The following PTPRN2 variants were observed in gnomAD, a reference collection of about 807,000 sequenced individuals.
PTPRN2 encodes the protein protein tyrosine phosphatase receptor type N2.
In PTPRN2, 74 loss-of-function variants were observed where a neutral mutation model predicts 118.8. The observed-to-expected ratio is 0.62, with a 90% CI of 0.52 to 0.76. The LOEUF is 0.76. PTPRN2 is among the 30% of genes least tolerant of loss of function. PTPRN2 has a pLI of 0.00. For synonymous variants in PTPRN2, 641 were observed against 608.0 expected (o/e 1.05, Z -0.80); for missense variants, 1,481 against 1,394.4 (o/e 1.06, Z -0.99).
chr7:158,473,807 AG>A (rs1820045080), intron 2 of PTPRN2, among the ~76,000 whole-genome samples: 1 of 151,728 alleles, frequency 6.6e-6, no homozygotes, highest in Non-Finnish European at 1.5e-5. Context: ...TTTTAAAAAA[AG>A]GTTGGCTATA....
chr7:158,130,680 TAC>T (rs1365833935), intron 9 of PTPRN2, among the ~76,000 whole-genome samples: 8 of 134,748 alleles, frequency 5.9e-5, no homozygotes, highest in South Asian at 2.5e-4. Flanking sequence ...CACACGTACA[TAC>T]AGACACACAC....
chr7:158,368,885 C>CT (rs374818948), intron 2 of PTPRN2, among the ~76,000 whole-genome samples: 23 of 152,318 alleles, frequency 1.5e-4, no homozygotes, highest in African/African-American at 4.8e-4. Flanking sequence ...ATGGTTAACA[C>CT]TGAGTGTCAA....
At chr7:157,706,745 G>T (rs1326521492) in intron 12 of PTPRN2, among the ~76,000 whole-genome samples, 1 of 151,268 alleles carries the variant, frequency 6.6e-6, no homozygotes, top group African/African-American at 2.4e-5. Flanking sequence ...TGACCCAGGT[G>T]CCTTCTGGAT....
chr7:157,597,636 G>A (rs971349736), intron 16 of PTPRN2, among the ~76,000 whole-genome samples: 4 of 152,228 alleles, frequency 2.6e-5, no homozygotes, highest in African/African-American at 9.6e-5. Flanking sequence ...TAAGGTGACT[G>A]TTGATTTAGG....
At position 157,560,139 on chromosome 7, in the gene PTPRN2, G is replaced by A. The variant is rs544218371; in HGVS notation, c.2902+8763C>T. Among the ~76,000 whole-genome samples the A allele has an allele frequency of 6.6e-6, 1 of 152,274 alleles. No individual in the cohort carries two copies. ...ATGAGGAGAAGCGGAGGACAGCCCA[G>A]GTGAGGACATCAGACCCAGGAGTGG... On this transcript the variant is annotated intron_variant, in intron 21 of 22. Coordinates refer to ENST00000389418, the MANE Select transcript of PTPRN2 (RefSeq NM_002847.5). The surrounding 1 kb of genome is among the most constrained non-coding windows in gnomAD (Gnocchi z 6.7).
intron 3 of PTPRN2, among the ~76,000 whole-genome samples, chr7:158,286,945 T>C (rs998282026): frequency 1.3e-5 from 2 of 152,214 alleles, no homozygotes; most frequent in Non-Finnish European, 2.9e-5. Context: ...TCTTTAAATG[T>C]TAGGTAAGAT....
chr7:158,133,981 C>T lies in PTPRN2; in HGVS notation c.1252G>A (p.Ala418Thr). 6.2e-7 allele frequency: 1 copy of T among 1,614,034 alleles called. No individual in the cohort carries two copies. Among genetic ancestry groups the T allele is most frequent in the Non-Finnish European group, 8.5e-7 (1 of 1,180,050 alleles). ...TTCCTCTCCATGTCGAGGGGCCTTG[C>T]AAAGGGGAGGGCTCCAGGTAAGAGT... is the stretch of plus-strand genomic sequence containing the variant. ...SRLLPGALPF[A>T]RPLDMERKKS... Residue 418 changes from alanine (A) to threonine (T), a missense_variant, in exon 9 of 23, where the codon GCA becomes ACA. Physicochemically the swap from Ala to Thr is moderately conservative, Grantham distance 58 (BLOSUM62 0). Around this residue, in one of 3 missense-constraint regions of PTPRN2, gnomAD observed 1,115 missense variants for 994.2 expected, o/e 1.12. Coordinates refer to ENST00000389418, the MANE Select transcript of PTPRN2 (RefSeq NM_002847.5).
At chr7:158,166,866 G>T (rs1823057430) in intron 6 of PTPRN2, 65 bp downstream of exon 6, 24 of 1,400,142 alleles carry the variant, frequency 1.7e-5, no homozygotes, top group Non-Finnish European at 2.1e-5. Context: ...TGGTGCGTCT[G>T]TCACTGGGAG....
chr7:158,092,215 T>C (rs1442801666), intron 10 of PTPRN2, among the ~76,000 whole-genome samples: 1 of 151,176 alleles, frequency 6.6e-6, no homozygotes, highest in African/African-American at 2.4e-5. Flanking sequence ...CATATATATA[T>C]ATACACACAT....
rs1804127188 is a variant in PTPRN2 at position 157,787,355 on chromosome 7, A to G, written c.1789-104418T>C. On this transcript the variant is annotated intron_variant, in intron 12 of 22. Coordinates refer to ENST00000389418, the MANE Select transcript of PTPRN2 (RefSeq NM_002847.5). This position sits in a 1 kb window ranked among gnomAD's most constrained non-coding sequence, Gnocchi z 5.3. ...CCACCTTGATGGAAACTGCGACAGG[A>G]GGGGGTCTGGCCTCTGCTGGGAGTG... 6.6e-6 allele frequency among the ~76,000 whole-genome samples: 1 copy of G among 152,056 alleles called. No homozygotes were observed. The highest frequency in any genetic ancestry group is 2.1e-4 in the South Asian group (1 of 4,828).
chr7:158,273,931 G>A (rs1463296955), intron 3 of PTPRN2, among the ~76,000 whole-genome samples: 6 of 139,596 alleles, frequency 4.3e-5, no homozygotes, highest in Non-Finnish European at 9.2e-5. Flanking sequence ...CAGACACAGG[G>A]GGAGCCGCAG....
chr7:158,143,500 A>G (rs1370804341), intron 6 of PTPRN2, among the ~76,000 whole-genome samples: 1 of 152,206 alleles, frequency 6.6e-6, no homozygotes, highest in Non-Finnish European at 1.5e-5. Flanking sequence ...GCCCGGCCAT[A>G]GCTCACGGTG....
At chr7:158,363,956 C>T (rs1352842774) in intron 2 of PTPRN2, among the ~76,000 whole-genome samples, 1 of 152,174 alleles carries the variant, frequency 6.6e-6, no homozygotes, top group East Asian at 1.9e-4. Context: ...GACACACATG[C>T]ACATGGGGAG....
At chr7:157,998,597 T>C (rs1804965427) in intron 11 of PTPRN2, among the ~76,000 whole-genome samples, 1 of 152,152 alleles carries the variant, frequency 6.6e-6, no homozygotes, top group African/African-American at 2.4e-5. Flanking sequence ...CCGAGGCAAG[T>C]GGATCACCTG....
Position 157,986,971 on chromosome 7 carries a change from C to T in PTPRN2, c.1724-88234G>A, listed in dbSNP as rs371311789. 2.1e-4 allele frequency among the ~76,000 whole-genome samples: 32 copies of T among 152,236 alleles called. No homozygotes were observed. In the South Asian group the frequency reaches 4.4e-3, roughly 21 times the overall value. ...GCAGTGAGAGGGAGGCTGCTGGACACGCTGGGGTTCACCTGTGTCCCAGGA... is the reference window on the plus strand; with the variant it reads ...GCAGTGAGAGGGAGGCTGCTGGACATGCTGGGGTTCACCTGTGTCCCAGGA... On this transcript the variant is annotated intron_variant, in intron 11 of 22. Coordinates refer to ENST00000389418, the MANE Select transcript of PTPRN2 (RefSeq NM_002847.5). This position sits in a 1 kb window ranked among gnomAD's most constrained non-coding sequence, Gnocchi z 4.5.
chr7:158,131,646 TGCACATACACACAA>T (rs1208272274), intron 9 of PTPRN2, among the ~76,000 whole-genome samples: 1 of 140,698 alleles, frequency 7.1e-6, no homozygotes. Flanking sequence ...CATACACACA[TGCACATACACACAA>T]ACCGATACAC....
At chr7:158,115,623 A>G (rs1378584776) in intron 9 of PTPRN2, among the ~76,000 whole-genome samples, 1 of 152,022 alleles carries the variant, frequency 6.6e-6, no homozygotes, top group African/African-American at 2.4e-5. Flanking sequence ...CCTTCATGTG[A>G]GAAAATGCCA....
In PTPRN2 at chr7:158,197,864, A is replaced by T. The variant is rs1826332990; in HGVS notation, c.381-5369T>A. 2.0e-5 allele frequency among the ~76,000 whole-genome samples: 3 copies of T among 152,224 alleles called. 1 individual carries two copies. In the South Asian group the frequency reaches 6.2e-4, roughly 32 times the overall value. On this transcript the variant is annotated intron_variant, in intron 4 of 22. Coordinates refer to ENST00000389418, the MANE Select transcript of PTPRN2 (RefSeq NM_002847.5). Reference sequence around the variant, plus strand: ...AATTACCTCCCACTGGGTCCCTCCCATGACACGTGCAGATTATGAGAACTA... The same window carrying T: ...AATTACCTCCCACTGGGTCCCTCCCTTGACACGTGCAGATTATGAGAACTA...
intron 13 of PTPRN2, among the ~76,000 whole-genome samples, chr7:157,665,994 G>A (rs1301965414): frequency 6.6e-6 from 1 of 152,226 alleles, no homozygotes; most frequent in Non-Finnish European, 1.5e-5. Flanking sequence ...GGGGCTGGGG[G>A]CCAGGGGGAG....
Sources: gnomAD v4.1 joint callset for allele counts (sites outside exome capture counted in the v4.1 genomes callset) on GRCh38, gnomAD v4.1.1 for gene constraint, gnomAD v4.1.1 regional missense constraint, Gnocchi (gnomAD v3.1) non-coding constraint, MANE v1.5 for transcripts, NCBI Gene and HGNC (gene_info 2026-07-23, HGNC 2026-07-21) for gene names.